The following GRID2 variants were observed in gnomAD, a reference collection of about 807,000 sequenced individuals.
GRID2 encodes the protein glutamate ionotropic receptor delta type subunit 2, also known as glutamate receptor ionotropic, delta-2.
GRID2 carries 33 observed loss-of-function variants against 114.8 expected under a neutral mutation model. The observed-to-expected ratio is 0.29, with a 90% confidence interval of 0.22 to 0.38. The LOEUF is 0.38. Among genes scored for constraint, GRID2 ranks in the 10% least tolerant of loss-of-function variants. The pLI, the probability that GRID2 is intolerant of heterozygous loss-of-function variation, is 1.00. For missense variants in GRID2, 1,184 were observed against 1,257.7 expected (o/e 0.94, Z 0.89); for synonymous variants, 505 against 449.9 (o/e 1.12, Z -1.55).
At chr4:93,740,117 G>A (rs1472065690) in intron 14 of GRID2, among the ~76,000 whole-genome samples, 1 of 152,134 alleles carries the variant, frequency 6.6e-6, no homozygotes, top group Non-Finnish European at 1.5e-5. Flanking sequence ...CCTTTTCTAT[G>A]TTTGGATATA....
rs562588821 is a variant in GRID2, at chr4:93,305,490, G to T, written c.1245+67000G>T. Among the ~76,000 whole-genome samples the T allele has an allele frequency of 2.6e-5, 4 of 152,252 alleles. No individual in the cohort carries two copies. The South Asian group carries it at 8.3e-4, about 32-fold the overall frequency. ...TTTGGCTGATGATGCTTAGGGTAGA[G>T]TAAGGATAGTTTTAGGAGGTTCTTT... On this transcript the variant is annotated intron_variant, in intron 8 of 15. Coordinates refer to ENST00000282020, the MANE Select transcript of GRID2 (RefSeq NM_001510.4).
intron 4 of GRID2, among the ~76,000 whole-genome samples, chr4:93,150,855 G>A (rs954831968): frequency 7.2e-5 from 11 of 151,920 alleles, no homozygotes; most frequent in Admixed American, 2.0e-4. Context: ...GGTCGGGCGC[G>A]GTGGCTCTCG....
chr4:92,923,507 T>TA (rs33965393), intron 2 of GRID2, among the ~76,000 whole-genome samples: 2 of 152,014 alleles, frequency 1.3e-5, no homozygotes, highest in Non-Finnish European at 2.9e-5. Flanking sequence ...TAGAAATCAA[T>TA]AAAAAAATCA....
intron 14 of GRID2, among the ~76,000 whole-genome samples, chr4:93,631,513 C>G (rs1166931059): frequency 1.3e-5 from 2 of 152,112 alleles, no homozygotes; most frequent in Non-Finnish European, 2.9e-5. Context: ...ATGGTTTCCA[C>G]CTTCATCTAT....
At chr4:93,719,779 A>T (rs1257567652) in intron 14 of GRID2, among the ~76,000 whole-genome samples, 2 of 152,232 alleles carry the variant, frequency 1.3e-5, no homozygotes, top group Non-Finnish European at 2.9e-5. Flanking sequence ...GTCACTAAGC[A>T]AATACACAGT....
At position 92,408,097 on chromosome 4, in the gene GRID2, T is replaced by G. The variant is rs145171329; in HGVS notation, c.88+103353T>G. Among the ~76,000 whole-genome samples the G allele has an allele frequency of 2.4e-3, 361 of 152,314 alleles. 3 individuals are homozygous for G. The highest frequency in any genetic ancestry group is 8.4e-3 in the African/African-American group (351 of 41,582). On this transcript the variant is annotated intron_variant, in intron 1 of 15. Coordinates refer to ENST00000282020, the MANE Select transcript of GRID2 (RefSeq NM_001510.4). ...ATTTGAATCTTTAATCCATCTTGAA[T>G]TAATTTTCATATATGGTGAGAGGTA...
rs772186189 is a variant in GRID2 at position 93,085,278 on chromosome 4, C to T, written c.528C>T (p.Tyr176=). ...QKFIIFYDSE[Y]DIRGIQEFLD... ...TCATTATATTCTATGATAGTGAATACGGTAAGTGTTTATAATTTGTTTAGG... is the reference window on the plus strand; with the variant it reads ...TCATTATATTCTATGATAGTGAATATGGTAAGTGTTTATAATTTGTTTAGG... Residue 176 remains tyrosine (Y), a splice_region_variant and synonymous_variant, in exon 3 of 16, where the codon TAC becomes TAT. Coordinates refer to ENST00000282020, the MANE Select transcript of GRID2 (RefSeq NM_001510.4). 17 of 1,602,436 alleles carry T rather than the reference C, an allele frequency of 1.1e-5. No individual in the cohort carries two copies. Among genetic ancestry groups the T allele is most frequent in the African/African-American group, 6.7e-5 (5 of 74,684 alleles).
At chr4:92,919,297 A>T (rs982544395) in intron 2 of GRID2, among the ~76,000 whole-genome samples, 10 of 152,288 alleles carry the variant, frequency 6.6e-5, no homozygotes, top group African/African-American at 2.4e-4. Flanking sequence ...CATTTCAAAA[A>T]ACCAGCTCCT....
At chr4:92,656,386 TA>T (rs1225330968) in intron 2 of GRID2, among the ~76,000 whole-genome samples, 1 of 151,480 alleles carries the variant, frequency 6.6e-6, no homozygotes, top group Non-Finnish European at 1.5e-5. Flanking sequence ...TTTGCAAGTG[TA>T]AAGGTCTAAC....
At chr4:92,340,078 A>G (rs997246302) in intron 1 of GRID2, among the ~76,000 whole-genome samples, 2 of 152,194 alleles carry the variant, frequency 1.3e-5, no homozygotes, top group Non-Finnish European at 2.9e-5. Flanking sequence ...AAGTATTTAA[A>G]TGAACAATAA....
intron 14 of GRID2, among the ~76,000 whole-genome samples, chr4:93,721,707 G>C (rs1729388140): frequency 6.6e-6 from 1 of 152,020 alleles, no homozygotes; most frequent in South Asian, 2.1e-4. Flanking sequence ...AGTTGCTGTT[G>C]TAACTGTATA....
chr4:93,378,780 T>G (rs1763597437), intron 8 of GRID2, among the ~76,000 whole-genome samples: 2 of 152,128 alleles, frequency 1.3e-5, no homozygotes, highest in African/African-American at 4.8e-5. Context: ...TTAAAACCTT[T>G]GTGCATCTGG....
intron 1 of GRID2, among the ~76,000 whole-genome samples, chr4:92,382,135 G>T (rs916719075): frequency 1.3e-5 from 2 of 151,724 alleles, no homozygotes; most frequent in African/African-American, 4.8e-5. Flanking sequence ...TGATATTAAA[G>T]ATTTGAAATT....
At chr4:93,012,559 C>G (rs2149233801) in intron 2 of GRID2, among the ~76,000 whole-genome samples, 1 of 152,054 alleles carries the variant, frequency 6.6e-6, no homozygotes, top group South Asian at 2.1e-4. Context: ...TGTGTATCAT[C>G]CAGAGCTGGA....
chr4:92,375,527 G>A (rs191241784), intron 1 of GRID2, among the ~76,000 whole-genome samples: 13 of 152,204 alleles, frequency 8.5e-5, no homozygotes, highest in South Asian at 4.1e-4. Context: ...CATTCCATGC[G>A]TGGGATCTCT....
chr4:92,967,104 A>G (rs1335435085), intron 2 of GRID2, among the ~76,000 whole-genome samples: 1 of 151,916 alleles, frequency 6.6e-6, no homozygotes, highest in East Asian at 1.9e-4. Context: ...TAAGGCAACA[A>G]ACTGATAAGG....
chr4:92,659,030 T>C (rs1266263127), intron 2 of GRID2, among the ~76,000 whole-genome samples: 2 of 135,520 alleles, frequency 1.5e-5, no homozygotes, highest in African/African-American at 5.3e-5. Context: ...ACTCTAGTTG[T>C]TTCTACAGGA....
intron 2 of GRID2, among the ~76,000 whole-genome samples, chr4:92,620,843 A>G (rs1730235533): frequency 2.0e-5 from 3 of 151,342 alleles, no homozygotes. Context: ...CCTAATGCTA[A>G]ATGATGAGTT....
At position 92,492,769 on chromosome 4, in the gene GRID2, T is replaced by A. The variant is rs1036280895; in HGVS notation, c.89-97362T>A. On this transcript the variant is annotated intron_variant, in intron 1 of 15. Transcript: ENST00000282020. ...TCATATCTGAAATCCACCAAAAAAA[T>A]TTTATTATCAAAAACGTTTAAAAGG... is the stretch of plus-strand genomic sequence containing the variant. 5.3e-5 allele frequency among the ~76,000 whole-genome samples: 8 copies of A among 151,974 alleles called. No homozygotes were observed. The South Asian group carries it at 6.2e-4, about 12-fold the overall frequency.
Sources: gnomAD v4.1 joint callset for allele counts (sites outside exome capture counted in the v4.1 genomes callset) on GRCh38, gnomAD v4.1.1 for gene constraint, MANE v1.5 for transcripts, NCBI Gene and HGNC (gene_info 2026-07-23, HGNC 2026-07-21) for gene names.